ELAVL2: variants seen among roughly 807,000 people sequenced by gnomAD.
The protein encoded by ELAVL2 is ELAV-like protein 2.
A neutral mutation model predicts 34.6 loss-of-function variants in ELAVL2; 4 were observed. The ratio of observed to expected loss-of-function variants is 0.12; its 90% CI spans 0.06 to 0.26. The LOEUF is 0.26. Among genes scored for constraint, ELAVL2 ranks in the 10% least tolerant of loss-of-function variants. The pLI is 1.00. For synonymous variants in ELAVL2, 193 were observed against 154.8 expected, an observed-to-expected ratio of 1.25 and a Z score of -1.83; for missense variants, 432 against 442.8, an observed-to-expected ratio of 0.98 and a Z score of 0.22.
rs116235957 is a variant in ELAVL2 at position 23,796,822 on chromosome 9, G to T, written c.-16+28984C>A. 3.1e-3 allele frequency among the ~76,000 whole-genome samples: 474 copies of T among 152,194 alleles called. 3 individuals are homozygous for T. Among genetic ancestry groups the T allele is most frequent in the Middle Eastern group, 0.01 (3 of 294 alleles). On this transcript the variant is annotated intron_variant, in intron 1 of 6. Coordinates refer to ENST00000397312, the MANE Select transcript of ELAVL2 (RefSeq NM_004432.5). ...GCCCTTGCCCTTCGTCCTTTGTATAGGTTATTCTACTGATTCAATATCAGT... is the reference window on the plus strand; with the variant it reads ...GCCCTTGCCCTTCGTCCTTTGTATATGTTATTCTACTGATTCAATATCAGT...
chr9:23,847,178 C>T, the ELAVL2 span: 4 of 152,106 alleles, frequency 2.6e-5, no homozygotes, highest in Non-Finnish European at 5.9e-5. Flanking sequence ...ATACATACTA[C>T]ATTTAATACC....
At chr9:23,703,296 A>G (rs2038111922) in intron 4 of ELAVL2, among the ~76,000 whole-genome samples, 2 of 152,334 alleles carry the variant, frequency 1.3e-5, no homozygotes, top group South Asian at 4.1e-4. Context: ...AGCACAAATG[A>G]AATAAAAAAT....
the ELAVL2 span, among the ~76,000 whole-genome samples, chr9:23,838,884 G>A: frequency 6.6e-6 from 1 of 152,078 alleles, no homozygotes; most frequent in African/African-American, 2.4e-5. Flanking sequence ...TACCATTAGT[G>A]AATTGCTATT....
chr9:23,776,228 T>G (rs1158763973), intron 1 of ELAVL2, among the ~76,000 whole-genome samples: 1 of 152,184 alleles, frequency 6.6e-6, no homozygotes, highest in Non-Finnish European at 1.5e-5. Context: ...CACATCTCTT[T>G]CCGCATATAG....
chr9:23,782,876 A>G (rs903956827), intron 1 of ELAVL2, among the ~76,000 whole-genome samples: 7 of 152,208 alleles, frequency 4.6e-5, no homozygotes, highest in Admixed American at 3.9e-4. Flanking sequence ...CCGGGGCACA[A>G]GAAGTGAGCT....
At chr9:23,808,513 G>A (rs948532997) in intron 1 of ELAVL2, among the ~76,000 whole-genome samples, 2 of 152,066 alleles carry the variant, frequency 1.3e-5, no homozygotes, top group Non-Finnish European at 2.9e-5. Context: ...GAAAAGGCTG[G>A]ATCAGCAAAT....
chr9:23,751,887 T>C (rs1425559585), intron 2 of ELAVL2, among the ~76,000 whole-genome samples: 7 of 152,134 alleles, frequency 4.6e-5, no homozygotes, highest in Non-Finnish European at 1.5e-5. Flanking sequence ...TGGTGTAATA[T>C]CATTAATCAT....
chr9:23,712,589 A>G (rs1306417118), intron 3 of ELAVL2, among the ~76,000 whole-genome samples: 2 of 152,184 alleles, frequency 1.3e-5, no homozygotes, highest in African/African-American at 2.4e-5. Flanking sequence ...TGAGACTAGT[A>G]CTTTCCACCA....
chr9:23,821,077 G>A (rs538047290), intron 1 of ELAVL2: 4 of 152,534 alleles, frequency 2.6e-5, no homozygotes, highest in Non-Finnish European at 5.9e-5. Context: ...GCCGTAGCAA[G>A]TGGGCACACA....
intron 1 of ELAVL2, among the ~76,000 whole-genome samples, chr9:23,774,449 G>A (rs1421189793): frequency 2.0e-5 from 3 of 152,040 alleles, no homozygotes; most frequent in Non-Finnish European, 4.4e-5. Flanking sequence ...TGAAGCAGAT[G>A]CTATGTTAAA....
the ELAVL2 span, chr9:23,831,506 G>GA: frequency 6.6e-6 from 1 of 152,362 alleles, no homozygotes; most frequent in Non-Finnish European, 1.5e-5. Context: ...GAGGCCCGGG[G>GA]AGACACAGCG....
At chr9:23,729,228 G>A (rs2045964571) in intron 3 of ELAVL2, among the ~76,000 whole-genome samples, 1 of 152,122 alleles carries the variant, frequency 6.6e-6, no homozygotes, top group South Asian at 2.1e-4. Flanking sequence ...TTTCTAGAAT[G>A]GAGAAAAGGA....
At chr9:23,797,913 A>C (rs2061147988) in intron 1 of ELAVL2, among the ~76,000 whole-genome samples, 1 of 152,222 alleles carries the variant, frequency 6.6e-6, no homozygotes. Context: ...GCGCAACAAG[A>C]GTGAAACTCT....
At chr9:23,802,364 C>T (rs1350992938) in intron 1 of ELAVL2, among the ~76,000 whole-genome samples, 1 of 152,162 alleles carries the variant, frequency 6.6e-6, no homozygotes, top group Non-Finnish European at 1.5e-5. Context: ...AGAAAGCAAG[C>T]CCCAAGACTT....
upstream of ELAVL2, chr9:23,826,296 C>G (rs1055459808): frequency 1.3e-5 from 2 of 152,376 alleles, no homozygotes; most frequent in East Asian, 1.9e-4. Flanking sequence ...AACCCCTTCT[C>G]TGCCTCCGCA....
chr9:23,706,244 C>T (rs916829146), intron 3 of ELAVL2, among the ~76,000 whole-genome samples: 4 of 152,182 alleles, frequency 2.6e-5, no homozygotes, highest in Admixed American at 6.5e-5. Context: ...AATAGGTCTG[C>T]ATGTATTTGT....
chr9:23,802,181 C>T (rs1162125098), intron 1 of ELAVL2, among the ~76,000 whole-genome samples: 1 of 152,148 alleles, frequency 6.6e-6, no homozygotes, highest in East Asian at 1.9e-4. Flanking sequence ...GTGAACTACT[C>T]CGAGGTGCAT....
chr9:23,697,413 A>G (rs1007906714), intron 5 of ELAVL2, among the ~76,000 whole-genome samples: 4 of 152,204 alleles, frequency 2.6e-5, no homozygotes, highest in African/African-American at 7.2e-5. Context: ...ATTTATTAAG[A>G]TATTAGGTAC....
chr9:23,796,750 A>G (rs2060979912), intron 1 of ELAVL2, among the ~76,000 whole-genome samples: 2 of 152,172 alleles, frequency 1.3e-5, no homozygotes, highest in South Asian at 4.1e-4. Context: ...TTTTTTTTCA[A>G]AACAGAGTAA....
Sources: allele counts gnomAD v4.1 joint callset (sites outside exome capture counted in the v4.1 genomes callset), GRCh38; gene constraint gnomAD v4.1.1; transcripts MANE v1.5; gene names NCBI Gene and HGNC (gene_info 2026-07-23, HGNC 2026-07-21).